SPTBN5: variants seen among roughly 807,000 people sequenced by gnomAD.
SPTBN5 encodes the protein spectrin beta chain, non-erythrocytic 5.
Under a neutral mutation model 477.6 loss-of-function variants are expected in SPTBN5, and 513 were observed. The observed-to-expected ratio is 1.07, with a 90% CI of 1.00 to 1.16. The LOEUF (loss-of-function observed/expected upper bound fraction) is 1.16, where lower values mean the gene tolerates loss of function less well. Ranked by LOEUF, SPTBN5 falls within the 50% of genes most tolerant of loss-of-function variation. The probability of loss-of-function intolerance (pLI) is 0.00; values close to 1 mark genes in which losing one functional copy is unlikely to be tolerated. For missense variants in SPTBN5, 5,062 were observed against 4,731.8 expected, an observed-to-expected ratio of 1.07 and a Z score of -2.05; for synonymous variants, 2,169 against 2,011.7, an observed-to-expected ratio of 1.08 and a Z score of -2.09.
chr15:41,863,512 A>G (rs1313527793), intron 41 of SPTBN5, among the ~76,000 whole-genome samples, 192 bp downstream of exon 41: 2 of 152,134 alleles, frequency 1.3e-5, no homozygotes, highest in Non-Finnish European at 2.9e-5. Flanking sequence ...GGATGCTTCT[A>G]TGGTCCTGAG....
intron 27 of SPTBN5, 149 bp downstream of exon 27, chr15:41,872,153 A>T (rs1187653772): frequency 8.7e-7 from 1 of 1,149,230 alleles, no homozygotes; most frequent in Non-Finnish European, 1.2e-6. Flanking sequence ...GAATTTATGG[A>T]AAGAGGTGAG....
At position 41,881,936 on chromosome 15, in the gene SPTBN5, C is replaced by G. The variant is rs1490025146; in HGVS notation, c.2457G>C (p.Thr819=). The part of the protein sequence containing the change: ...RAASARASLF[T]VNSALSPPGE... ...CGCCCTTCCCTGTCCCCGTCCTCAC[C>G]GTGAATAACGACGCCCGGGCCGAGG... The change falls in exon 12 of 68, where the codon ACG becomes ACC. Residue 819 remains threonine, a splice_region_variant and synonymous_variant. Transcript: ENST00000320955. 6.5e-7 allele frequency: 1 copy of G among 1,528,244 alleles called. No individual in the cohort carries two copies. The highest frequency in any genetic ancestry group is 2.0e-5 in the Admixed American group (1 of 50,912). The allele number at this position is 1,528,244 out of a possible 1,614,324, so 94.7% of individuals were successfully genotyped here. A position where few individuals can be genotyped will look rare whatever the true frequency, so the allele number is the denominator to read the frequency against.
At chr15:41,885,213 C>T (rs141065342) in intron 7 of SPTBN5, among the ~76,000 whole-genome samples, 4 of 152,214 alleles carry the variant, frequency 2.6e-5, no homozygotes, top group East Asian at 1.9e-4. Flanking sequence ...TTAGTGGAAA[C>T]GGGGTTTTGC....
In SPTBN5 at chr15:41,861,836, C is replaced by G; in HGVS notation, c.7636G>C (p.Asp2546His). 2 of 1,605,564 alleles carry G rather than the reference C, an allele frequency of 1.2e-6. No individual in the cohort carries two copies. The highest frequency in any genetic ancestry group is 1.7e-6 in the Non-Finnish European group (2 of 1,178,758). The part of the protein sequence containing the change: ...LLTAGHPFSS[D>H]IRQVLAGLEQ... The stretch of plus-strand genomic sequence containing the variant: ...AAGCCAGCCAGCACCTGGCGAATGT[C>G]GGAGCTGAAGGGGTGCCCCGCTGTG... The change falls in exon 45 of 68, where the codon GAC becomes CAC. Residue 2546 changes from aspartate to histidine, a missense_variant. Physicochemically the swap from Asp to His is moderately conservative, Grantham distance 81. Transcript: ENST00000320955.
In SPTBN5 at chr15:41,878,544, G is replaced by C. The variant is rs531502044; in HGVS notation, c.3268C>G (p.Gln1090Glu). The C allele has an allele frequency of 2.5e-6, 4 of 1,612,844 alleles. No individual in the cohort carries two copies. In the African/African-American group the frequency reaches 5.3e-5, roughly 22 times the overall value. Residue 1090 changes from glutamine (Q) to glutamate (E), a missense_variant, in exon 17 of 68, where the codon CAA (glutamine) becomes GAA (glutamate). Gln to Glu is a conservative substitution (Grantham distance 29). Coordinates refer to ENST00000320955, the MANE Select transcript of SPTBN5 (RefSeq NM_016642.4). The stretch of plus-strand genomic sequence containing the variant: ...TGGCGCCGGGCCCGTTGGGCCACTT[G>C]TTCCTGTACTTGCTTCAGCAGCCCC... The part of the protein sequence containing the change: ...LQGLLKQVQE[Q>E]VAQRARRQAE...
intron 66 of SPTBN5, 199 bp from the exon 67 acceptor site, chr15:41,850,158 G>A: frequency 1.7e-6 from 1 of 583,160 alleles, no homozygotes; most frequent in East Asian, 2.8e-5. Flanking sequence ...CTGCCTCTTA[G>A]GAAACTCCTC....
intron 50 of SPTBN5, 30 bp downstream of exon 50, chr15:41,857,543 C>A (rs1190373213): frequency 5.6e-6 from 9 of 1,603,796 alleles, no homozygotes; most frequent in Non-Finnish European, 6.8e-6. Context: ...TGGAGCCCGG[C>A]CAGCCACCCC....
At chr15:41,851,391 G>C (rs1420482863) in intron 63 of SPTBN5, 22 bp from the exon 64 acceptor site, 1 of 1,537,226 alleles carries the variant, frequency 6.5e-7, no homozygotes, top group Non-Finnish European at 8.8e-7. Flanking sequence ...AGGCGGGAAG[G>C]TCGCATGAGC....
rs1394708983 is a variant in SPTBN5 at position 41,886,219 on chromosome 15, C to T, written c.1036G>A (p.Ala346Thr). 6.2e-7 allele frequency: 1 copy of T among 1,612,972 alleles called. No homozygotes were observed. Among genetic ancestry groups the T allele is most frequent in the Non-Finnish European group, 8.5e-7 (1 of 1,179,898 alleles). The change falls in exon 7 of 68, where the codon GCA (alanine) becomes ACA (threonine). Residue 346 changes from alanine to threonine, a missense_variant. Coordinates refer to ENST00000320955, the MANE Select transcript of SPTBN5 (RefSeq NM_016642.4). ...TGGGTGCGGAAGATGGTGAATGCTG[C>T]CAGTAGCTGCCGCATGGCGGGCAGC... Reference protein sequence around the residue: ...DSLPAMRQLLAAFTIFRTQEK... With the variant: ...DSLPAMRQLLTAFTIFRTQEK...
chr15:41,887,362 G>T lies in SPTBN5; in HGVS notation c.739C>A (p.Gln247Lys). 1 of 1,553,094 alleles carries T rather than the reference G, an allele frequency of 6.4e-7. No individual in the cohort carries two copies. Among genetic ancestry groups the T allele is most frequent in the Non-Finnish European group, 8.7e-7 (1 of 1,148,108 alleles). ...NLAFAFLVAE[Q>K]ELGIAQLLDP... ...AGCAGCTGAGCAATGCCCAGCTCCTGCTCAGCCACCAGGAAAGCAAAAGCA... is the reference window on the plus strand; with the variant it reads ...AGCAGCTGAGCAATGCCCAGCTCCTTCTCAGCCACCAGGAAAGCAAAAGCA... The change falls in exon 6 of 68, where the codon CAG becomes AAG. Residue 247 changes from glutamine to lysine, a missense_variant. Physicochemically the swap from Gln to Lys is moderately conservative, Grantham distance 53. Transcript: ENST00000320955.
intron 52 of SPTBN5, 28 bp downstream of exon 52, chr15:41,856,825 G>T: frequency 6.5e-7 from 1 of 1,530,008 alleles, no homozygotes; most frequent in African/African-American, 1.4e-5. Flanking sequence ...TCATGTGCGA[G>T]GCCAGCCCTC....
rs2065632149 is a variant in SPTBN5 at position 41,848,558 on chromosome 15, TC to T, written c.*57del. ...TGCCTGTAGCTGAGTCTTATTCTGGTCCCTTAGATGTGTCCTCGCTTGTGCC... is the reference window on the plus strand; with the variant it reads ...TGCCTGTAGCTGAGTCTTATTCTGGTCCTTAGATGTGTCCTCGCTTGTGCC... On this transcript the variant is annotated 3_prime_UTR_variant, in exon 68 of 68. Transcript: ENST00000320955. The T allele has an allele frequency of 1.2e-6, 2 of 1,607,844 alleles. No individual in the cohort carries two copies. The highest frequency in any genetic ancestry group is 1.1e-5 in the South Asian group (1 of 90,956).
At chr15:41,864,800 G>A (rs77624749) in intron 39 of SPTBN5, among the ~76,000 whole-genome samples, 81 of 152,348 alleles carry the variant, frequency 5.3e-4, no homozygotes, top group African/African-American at 1.8e-3. Flanking sequence ...GGGGTCCACC[G>A]CAGGGTGTGA....
chr15:41,852,572 T>TTAG, intron 61 of SPTBN5, 62 bp downstream of exon 61: 2 of 1,543,038 alleles, frequency 1.3e-6, no homozygotes, highest in Non-Finnish European at 1.8e-6. Context: ...AGACACTGAC[T>TTAG]TGCAGGCTGA....
At position 41,879,499 on chromosome 15, in the gene SPTBN5, C is replaced by T. The variant is rs924262669; in HGVS notation, c.2943G>A (p.Arg981=). Residue 981 remains arginine, a splice_region_variant and synonymous_variant, in exon 16 of 68, where the codon AGG becomes AGA. Transcript: ENST00000320955. ...TCTTCAGGGCCTCCAGCTGCCCCCA[C>T]CTGGGCAGAGGGTACAAGGTTGTCT... ...IQRQQEELSQ[R]WGQLEALKRE... 1.3e-5 allele frequency: 20 copies of T among 1,559,068 alleles called. No individual in the cohort carries two copies. Among genetic ancestry groups the T allele is most frequent in the Non-Finnish European group, 1.6e-5 (19 of 1,155,326 alleles).
At chr15:41,887,476 G>GTAGGTTCCTGCTGGT in intron 5 of SPTBN5, 35 bp from the exon 6 acceptor site, 2 of 1,477,510 alleles carry the variant, frequency 1.4e-6, no homozygotes, top group Non-Finnish European at 1.8e-6. Flanking sequence ...TTCACCAGCA[G>GTAGGTTCCTGCTGGT]GAACCTACTG....
At chr15:41,890,458 CAGG>C (rs2067276044) in intron 3 of SPTBN5, among the ~76,000 whole-genome samples, 1 of 152,262 alleles carries the variant, frequency 6.6e-6, no homozygotes, top group Admixed American at 6.5e-5. Context: ...GCCCTCAGAG[CAGG>C]AGGACTCCCT....
Position 41,853,255 on chromosome 15 carries a change from C to T in SPTBN5, c.10170+3G>A, listed in dbSNP as rs2140912559. The T allele has an allele frequency of 6.3e-7, 1 of 1,586,524 alleles. No homozygotes were observed. The highest frequency in any genetic ancestry group is 8.6e-7 in the Non-Finnish European group (1 of 1,160,412). ...ACCCCAGGCCCACCCTCTGAGTTCA[C>T]ACCTCCGCAGACATGAAGTGGCTGT... On this transcript the variant is annotated splice_donor_region_variant and intron_variant, in intron 59 of 67. Coordinates refer to ENST00000320955, the MANE Select transcript of SPTBN5 (RefSeq NM_016642.4).
At chr15:41,870,701 C>T (rs952193182) in intron 29 of SPTBN5, 141 bp from the exon 30 acceptor site, 56 of 666,510 alleles carry the variant, frequency 8.4e-5, no homozygotes, top group African/African-American at 3.4e-4. Context: ...AAACCTCTCC[C>T]GCCTGTGGCC....
Sources: gnomAD v4.1 joint callset for allele counts (sites outside exome capture counted in the v4.1 genomes callset) on GRCh38, gnomAD v4.1.1 for gene constraint, MANE v1.5 for transcripts, NCBI Gene and HGNC (gene_info 2026-07-23, HGNC 2026-07-21) for gene names.